The following EYA2 variants were observed in gnomAD, a reference collection of about 807,000 sequenced individuals.
EYA2 encodes the protein EYA transcriptional coactivator and phosphatase 2, also known as protein phosphatase EYA2.
Under a neutral mutation model 69.2 loss-of-function variants are expected in EYA2, and 31 were observed. The ratio of observed to expected loss-of-function variants is 0.45; its 90% CI spans 0.34 to 0.60. The LOEUF is 0.60. Among genes scored for constraint, EYA2 ranks in the 20% least tolerant of loss-of-function variants. EYA2 has a pLI of 0.02. For synonymous variants in EYA2, 257 were observed against 279.4 expected, an observed-to-expected ratio of 0.92 and a Z score of 0.80; for missense variants, 622 against 701.2, an observed-to-expected ratio of 0.89 and a Z score of 1.28.
chr20:47,080,703 T>C (rs1051445442), intron 7 of EYA2, among the ~76,000 whole-genome samples: 4 of 152,238 alleles, frequency 2.6e-5, no homozygotes, highest in East Asian at 3.9e-4. Flanking sequence ...CTCAGTTCCA[T>C]GTGGCTGGGG....
intron 5 of EYA2, among the ~76,000 whole-genome samples, chr20:47,067,019 A>C (rs1262324099): frequency 6.6e-6 from 1 of 152,110 alleles, no homozygotes; most frequent in Non-Finnish European, 1.5e-5. Context: ...TGGATTTCTC[A>C]CTGCAGGCAC....
At chr20:47,032,589 C>T (rs966714537) in intron 5 of EYA2, among the ~76,000 whole-genome samples, 8 of 152,094 alleles carry the variant, frequency 5.3e-5, no homozygotes, top group African/African-American at 1.9e-4. Context: ...TAACATGTCT[C>T]GGAGATCTCT....
chr20:47,068,689 T>C (rs1357338813), intron 5 of EYA2, among the ~76,000 whole-genome samples: 2 of 152,210 alleles, frequency 1.3e-5, no homozygotes, highest in Non-Finnish European at 1.5e-5. Flanking sequence ...TGAGATCCTA[T>C]GGTTCTGATG....
intron 10 of EYA2, among the ~76,000 whole-genome samples, chr20:47,155,220 A>C (rs2033899845): frequency 6.6e-6 from 1 of 151,984 alleles, no homozygotes; most frequent in Non-Finnish European, 1.5e-5. Flanking sequence ...GTGAGTTTGC[A>C]TAGCACCTTA....
In EYA2 at chr20:46,894,851, C is replaced by G. The variant is rs1451773729; in HGVS notation, c.-147C>G. On this transcript the variant is annotated 5_prime_UTR_variant, in exon 1 of 16. Coordinates refer to ENST00000327619, the MANE Select transcript of EYA2 (RefSeq NM_005244.5). ...GTCCTCCCGGCGCAGGCAGCAGCCG[C>G]GGCAGCCCAGGAGGCGGAGGCAGCG... 6.6e-6 allele frequency: 1 copy of G among 151,008 alleles called. No individual in the cohort carries two copies. The highest frequency in any genetic ancestry group is 1.5e-5 in the Non-Finnish European group (1 of 67,678). The allele number at this position is 151,008 out of a possible 1,614,324, so 9.4% of individuals were successfully genotyped here. A position where few individuals can be genotyped will look rare whatever the true frequency, so the allele number is the denominator to read the frequency against.
chr20:46,992,157 C>T (rs1256808080), intron 2 of EYA2, among the ~76,000 whole-genome samples: 1 of 152,146 alleles, frequency 6.6e-6, no homozygotes, highest in Non-Finnish European at 1.5e-5. Context: ...AATCTAGATT[C>T]ATTCTCCTCC....
At chr20:46,922,052 T>G (rs1985202511) in intron 1 of EYA2, among the ~76,000 whole-genome samples, 1 of 152,150 alleles carries the variant, frequency 6.6e-6, no homozygotes, top group African/African-American at 2.4e-5. Flanking sequence ...TGAAGAGGGA[T>G]TTGAGGCACA....
At chr20:46,962,718 G>A (rs572181433) in intron 1 of EYA2, among the ~76,000 whole-genome samples, 11 of 152,140 alleles carry the variant, frequency 7.2e-5, no homozygotes, top group African/African-American at 1.7e-4. Flanking sequence ...CTACCTTGTC[G>A]CATCCTACCA....
At chr20:46,920,234 T>TA (rs11472988) in intron 1 of EYA2, among the ~76,000 whole-genome samples, 103,198 of 149,312 alleles carry the variant, frequency 0.69, 37,996 homozygotes, top group Non-Finnish European at 0.82. Flanking sequence ...TTAATTTGTT[T>TA]AAAAAAAAAA....
At chr20:46,925,759 G>A (rs181421201) in intron 1 of EYA2, among the ~76,000 whole-genome samples, 13 of 152,308 alleles carry the variant, frequency 8.5e-5, no homozygotes, top group South Asian at 4.1e-4. Flanking sequence ...GCAGATTGGC[G>A]TGGCCCATCC....
chr20:46,916,026 T>C (rs6018166), intron 1 of EYA2, among the ~76,000 whole-genome samples: 2 of 152,138 alleles, frequency 1.3e-5, no homozygotes, highest in African/African-American at 4.8e-5. Context: ...TAATAGTACA[T>C]AGCATGATTG....
chr20:47,026,237 A>G (rs1003801098), intron 5 of EYA2, among the ~76,000 whole-genome samples: 2 of 152,240 alleles, frequency 1.3e-5, no homozygotes, highest in East Asian at 1.9e-4. Context: ...AGCCATCTGG[A>G]GAAAAGTATC....
intron 7 of EYA2, among the ~76,000 whole-genome samples, chr20:47,080,979 C>T (rs540958663): frequency 6.6e-6 from 1 of 152,208 alleles, no homozygotes; most frequent in South Asian, 2.1e-4. Flanking sequence ...GCAATCCTCC[C>T]TCAGCCTCTC....
At chr20:47,016,118 G>A (rs1027047175) in intron 4 of EYA2, 63 bp from the exon 5 acceptor site, 2 of 1,213,684 alleles carry the variant, frequency 1.6e-6, no homozygotes, top group African/African-American at 3.0e-5. Context: ...TCTTTTGTGG[G>A]TGACAAGGAC....
chr20:47,143,001 G>T, intron 9 of EYA2, 58 bp from the exon 10 acceptor site: 3 of 1,521,212 alleles, frequency 2.0e-6, no homozygotes, highest in Non-Finnish European at 2.7e-6. Flanking sequence ...GACCAAAAGG[G>T]TAGCTAAGAT....
chr20:47,072,274 T>A, intron 6 of EYA2, 22 bp downstream of exon 6: 1 of 1,599,414 alleles, frequency 6.3e-7, no homozygotes. Flanking sequence ...TCCCTCCCGA[T>A]TCTTTCCTCA....
chr20:47,169,169 T>G lies in EYA2; in HGVS notation c.1009T>G (p.Ser337Ala), dbSNP rs767702811. Residue 337 changes from serine to alanine, a missense_variant, in exon 11 of 16, where the codon TCA becomes GCA. This residue lies in a region of EYA2 where 257 missense variants were observed against 351.5 expected (regional missense o/e 0.73). Coordinates refer to ENST00000327619, the MANE Select transcript of EYA2 (RefSeq NM_005244.5). ...TGACCAGATCCACGTTGATGACGTC[T>G]CATCAGATGACAATGGCCAAGATTT... ...DCDQIHVDDV[S>A]SDDNGQDLST... The G allele has an allele frequency of 3.7e-6, 6 of 1,613,926 alleles. No individual in the cohort carries two copies. In the Admixed American group the frequency reaches 6.7e-5, roughly 18 times the overall value.
At chr20:47,150,126 G>A (rs2033794205) in intron 10 of EYA2, among the ~76,000 whole-genome samples, 2 of 152,194 alleles carry the variant, frequency 1.3e-5, no homozygotes, top group African/African-American at 4.8e-5. Flanking sequence ...TGGCCAGGGA[G>A]TCAATGGTCG....
intron 1 of EYA2, among the ~76,000 whole-genome samples, chr20:46,904,183 C>G (rs1984247970): frequency 6.6e-6 from 1 of 152,136 alleles, no homozygotes; most frequent in Non-Finnish European, 1.5e-5. Context: ...CAGCAGTTAA[C>G]TGTTCCTGGG....
Sources: allele counts gnomAD v4.1 joint callset (sites outside exome capture counted in the v4.1 genomes callset), GRCh38; gene constraint gnomAD v4.1.1; regional missense constraint gnomAD v4.1.1; transcripts MANE v1.5; gene names NCBI Gene and HGNC (gene_info 2026-07-23, HGNC 2026-07-21).